TBC1D32: variants seen among roughly 807,000 people sequenced by gnomAD.
The protein encoded by TBC1D32 is TBC1 domain family member 32.
In TBC1D32, 151 loss-of-function variants were observed where a neutral mutation model predicts 170.3. The observed-to-expected ratio is 0.89, with a 90% CI of 0.78 to 1.01. The LOEUF is 1.01. TBC1D32 is among the 50% of genes least tolerant of loss of function. The pLI is 0.00. For synonymous variants in TBC1D32, 498 were observed against 488.0 expected, an observed-to-expected ratio of 1.02 and a Z score of -0.27; for missense variants, 1,464 against 1,457.1, an observed-to-expected ratio of 1.00 and a Z score of -0.08.
At chr6:121,288,064 T>C (rs946534155) in intron 12 of TBC1D32, among the ~76,000 whole-genome samples, 3 of 152,048 alleles carry the variant, frequency 2.0e-5, no homozygotes, top group African/African-American at 7.2e-5. Context: ...AGATCTAAAA[T>C]TGACACCCTA....
chr6:121,266,841 C>T (rs1170088496), intron 15 of TBC1D32, among the ~76,000 whole-genome samples: 2 of 151,766 alleles, frequency 1.3e-5, no homozygotes, highest in Non-Finnish European at 2.9e-5. Flanking sequence ...TGTTCTCACT[C>T]ATAAGTGGGA....
intron 24 of TBC1D32, among the ~76,000 whole-genome samples, chr6:121,147,466 C>A (rs1783609961): frequency 1.3e-5 from 2 of 152,152 alleles, no homozygotes; most frequent in Non-Finnish European, 2.9e-5. Context: ...TTCTCGGAAG[C>A]CCTGCCAACA....
chr6:121,292,527 T>C (rs1805019917), intron 11 of TBC1D32, among the ~76,000 whole-genome samples: 2 of 152,064 alleles, frequency 1.3e-5, no homozygotes, highest in South Asian at 4.1e-4. Context: ...TAATAGAAAA[T>C]GTTAGTTACT....
At chr6:121,325,700 G>C (rs1810367913) in intron 1 of TBC1D32, among the ~76,000 whole-genome samples, 1 of 152,172 alleles carries the variant, frequency 6.6e-6, no homozygotes, top group African/African-American at 2.4e-5. Context: ...ATATCATTCA[G>C]GACATAGGCA....
intron 11 of TBC1D32, among the ~76,000 whole-genome samples, chr6:121,294,173 G>T (rs951150523): frequency 3.3e-5 from 5 of 152,036 alleles, no homozygotes; most frequent in Non-Finnish European, 2.9e-5. Context: ...GTGACACAGG[G>T]TGTTCAAAAA....
At chr6:121,316,816 G>A (rs938513749) in intron 3 of TBC1D32, among the ~76,000 whole-genome samples, 1 of 151,338 alleles carries the variant, frequency 6.6e-6, no homozygotes, top group Non-Finnish European at 1.5e-5. Context: ...CTAATTAGGT[G>A]AAAAATGTTT....
intron 9 of TBC1D32, among the ~76,000 whole-genome samples, chr6:121,302,254 C>T (rs534865526): frequency 2.7e-4 from 41 of 152,198 alleles, no homozygotes; most frequent in Middle Eastern, 3.4e-3. Flanking sequence ...TGTATAGATG[C>T]TCTGGAGCTA....
At chr6:121,255,581 C>T (rs1267243188) in intron 16 of TBC1D32, among the ~76,000 whole-genome samples, 171 bp from the exon 17 acceptor site, 1 of 131,542 alleles carries the variant, frequency 7.6e-6, no homozygotes, top group Non-Finnish European at 1.5e-5. Context: ...TTGTTTTATC[C>T]TTAATGTTAT....
chr6:121,334,503 G>A (rs1425966773), upstream of TBC1D32: 3 of 1,499,494 alleles, frequency 2.0e-6, no homozygotes, highest in East Asian at 2.6e-5. Flanking sequence ...ACGCGCACGC[G>A]CACCCCCACC....
intron 15 of TBC1D32, among the ~76,000 whole-genome samples, chr6:121,268,681 C>T (rs1425253409): frequency 3.3e-5 from 5 of 152,096 alleles, no homozygotes; most frequent in African/African-American, 1.2e-4. Flanking sequence ...AGTTGGAAAA[C>T]GTTCTTCAGG....
intron 10 of TBC1D32, among the ~76,000 whole-genome samples, chr6:121,295,518 G>C (rs980194549): frequency 6.6e-6 from 1 of 152,008 alleles, no homozygotes; most frequent in Non-Finnish European, 1.5e-5. Flanking sequence ...ACCAGCAACT[G>C]TATCTTAGAG....
intron 25 of TBC1D32, among the ~76,000 whole-genome samples, chr6:121,126,686 A>G (rs1333942398): frequency 6.6e-6 from 1 of 152,154 alleles, no homozygotes; most frequent in Non-Finnish European, 1.5e-5. Context: ...AAACTGAAAA[A>G]GGATCATCTG....
intron 22 of TBC1D32, among the ~76,000 whole-genome samples, chr6:121,171,369 T>C (rs1786975044): frequency 6.6e-6 from 1 of 151,406 alleles, no homozygotes; most frequent in Admixed American, 6.6e-5. Context: ...TTTTGATCTT[T>C]GATTCAAGCA....
chr6:121,286,238 GA>G (rs545111422), intron 12 of TBC1D32, among the ~76,000 whole-genome samples: 1 of 151,794 alleles, frequency 6.6e-6, no homozygotes, highest in African/African-American at 2.4e-5. Context: ...TGAAAACCTT[GA>G]AAAAAAATTG....
At chr6:121,111,670 C>T (rs991677380) in intron 29 of TBC1D32, among the ~76,000 whole-genome samples, 21 of 152,056 alleles carry the variant, frequency 1.4e-4, no homozygotes, top group African/African-American at 5.1e-4. Flanking sequence ...TATATAGCTA[C>T]TTGAAGCATA....
chr6:121,290,397 A>C (rs1017112987), intron 12 of TBC1D32, among the ~76,000 whole-genome samples: 1 of 152,198 alleles, frequency 6.6e-6, no homozygotes, highest in African/African-American at 2.4e-5. Flanking sequence ...ACACATGAAA[A>C]AATGCTCATC....
intron 30 of TBC1D32, among the ~76,000 whole-genome samples, chr6:121,094,724 A>G (rs1251320556): frequency 6.6e-6 from 1 of 152,080 alleles, no homozygotes; most frequent in Non-Finnish European, 1.5e-5. Context: ...TTCTCCTACT[A>G]AAGATGTTTC....
At position 121,304,433 on chromosome 6, in the gene TBC1D32, A is replaced by C; in HGVS notation, c.874-7T>G. On this transcript the variant is annotated splice_region_variant and splice_polypyrimidine_tract_variant and intron_variant, in intron 7 of 31. Transcript: ENST00000398212. ...ATTCATTTAGAAGACGAACCTACAA[A>C]GCAGTGCACAATAGTTCTCAAAAAA... The C allele has an allele frequency of 6.2e-7, 1 of 1,613,060 alleles. No homozygotes were observed. Among genetic ancestry groups the C allele is most frequent in the Non-Finnish European group, 8.5e-7 (1 of 1,179,518 alleles).
chr6:121,232,480 G>A (rs1433196763), intron 20 of TBC1D32, among the ~76,000 whole-genome samples: 2 of 152,006 alleles, frequency 1.3e-5, no homozygotes, highest in African/African-American at 2.4e-5. Flanking sequence ...TATTTTGATA[G>A]GAATTGCATT....
Sources: gnomAD v4.1 joint callset for allele counts (sites outside exome capture counted in the v4.1 genomes callset) on GRCh38, gnomAD v4.1.1 for gene constraint, MANE v1.5 for transcripts, NCBI Gene and HGNC (gene_info 2026-07-23, HGNC 2026-07-21) for gene names.